The following WDR11 variants were observed in gnomAD, a reference collection of about 807,000 sequenced individuals.
WDR11 encodes the protein WD repeat domain 11.
A neutral mutation model predicts 151.2 loss-of-function variants in WDR11; 83 were observed. The observed-to-expected ratio is 0.55, with a 90% CI of 0.46 to 0.66. The LOEUF is 0.66. WDR11 is among the 30% of genes least tolerant of loss of function. WDR11 has a pLI of 0.00. For missense variants in WDR11, 1,301 were observed against 1,480.9 expected (o/e 0.88, Z 1.99); for synonymous variants, 484 against 533.1 (o/e 0.91, Z 1.27).
intron 19 of WDR11, among the ~76,000 whole-genome samples, chr10:120,896,698 T>C (rs1369758529): frequency 6.6e-6 from 1 of 152,198 alleles, no homozygotes; most frequent in African/African-American, 2.4e-5. Flanking sequence ...CATGTTGTAG[T>C]CTGGAACACA....
chr10:120,883,882 T>G lies in WDR11; in HGVS notation c.1842T>G (p.Thr614=), dbSNP rs767783026. ...REMSKNFPTI[T]ALEWSPSHNL... ...TGTCCAAAAACTTCCCTACAATAAC[T>G]GCTTTGGTAAGTTACAATTTAAGAA... Residue 614 remains threonine, a synonymous_variant, in exon 14 of 29, where the codon ACT becomes ACG. Transcript: ENST00000263461. 4 of 1,610,510 alleles carry G rather than the reference T, an allele frequency of 2.5e-6. No homozygotes were observed. The East Asian group carries it at 8.9e-5, about 36-fold the overall frequency.
intron 11 of WDR11, among the ~76,000 whole-genome samples, chr10:120,878,095 A>G (rs1187451203): frequency 6.6e-6 from 1 of 152,214 alleles, no homozygotes; most frequent in African/African-American, 2.4e-5. Flanking sequence ...TCATACTAAT[A>G]CTGATGTGAA....
At chr10:120,867,219 C>G in intron 9 of WDR11, 50 bp downstream of exon 9, 2 of 1,302,412 alleles carry the variant, frequency 1.5e-6, no homozygotes, top group Non-Finnish European at 2.2e-6. Context: ...TTCTGAAGGG[C>G]AAAATTAATA....
intron 11 of WDR11, among the ~76,000 whole-genome samples, chr10:120,876,584 T>C (rs1380011507): frequency 2.0e-5 from 3 of 152,354 alleles, no homozygotes; most frequent in African/African-American, 4.8e-5. Context: ...TCTAGTAGTC[T>C]CTGCTTACAC....
At chr10:120,869,626 G>T (rs962998555) in intron 9 of WDR11, among the ~76,000 whole-genome samples, 1 of 152,084 alleles carries the variant, frequency 6.6e-6, no homozygotes, top group African/African-American at 2.4e-5. Flanking sequence ...CTGGATAAAT[G>T]CTGATACTTA....
intron 19 of WDR11, among the ~76,000 whole-genome samples, chr10:120,899,155 T>C (rs1000857583): frequency 1.3e-5 from 2 of 152,156 alleles, no homozygotes; most frequent in African/African-American, 4.8e-5. Context: ...CAAATCTTGC[T>C]TGTTAGTGTT....
chr10:120,863,124 G>A (rs930087246), intron 5 of WDR11, among the ~76,000 whole-genome samples: 3 of 152,098 alleles, frequency 2.0e-5, no homozygotes, highest in African/African-American at 7.2e-5. Flanking sequence ...GTTTCCACTA[G>A]CTGTGCTAAA....
intron 11 of WDR11, 78 bp from the exon 12 acceptor site, chr10:120,878,275 A>G (rs1846872184): frequency 1.7e-6 from 2 of 1,211,190 alleles, no homozygotes; most frequent in African/African-American, 3.1e-5. Flanking sequence ...GGTCTTTGGA[A>G]AACTTATTTT....
At chr10:120,880,938 C>A in intron 13 of WDR11, 37 bp downstream of exon 13, 1 of 1,540,658 alleles carries the variant, frequency 6.5e-7, no homozygotes, top group South Asian at 1.2e-5. Flanking sequence ...ATGGTGTTAT[C>A]ACAATGAAAT....
Position 120,885,819 on chromosome 10 carries a change from G to T in WDR11, c.1854G>T (p.Trp618Cys). ...KNFPTITALE[W>C]SPSHNLKSLR... Reference sequence around the variant, plus strand: ...TGTCTGCATTTGCTTTACAGGAGTGGTCACCATCTCACAACTTGAAGAGCC... The same window carrying T: ...TGTCTGCATTTGCTTTACAGGAGTGTTCACCATCTCACAACTTGAAGAGCC... The change falls in exon 15 of 29, where the codon TGG becomes TGT. Residue 618 changes from tryptophan (W) to cysteine (C), a missense_variant. Trp to Cys is a radical substitution (Grantham distance 215). Around this residue, in one of 3 missense-constraint regions of WDR11, gnomAD observed 692 missense variants for 762.5 expected, o/e 0.91. Coordinates refer to ENST00000263461, the MANE Select transcript of WDR11 (RefSeq NM_018117.12). 1 of 1,613,592 alleles carries T rather than the reference G, an allele frequency of 6.2e-7. No individual in the cohort carries two copies.
intron 19 of WDR11, among the ~76,000 whole-genome samples, chr10:120,899,364 G>A (rs1374191510): frequency 3.3e-5 from 5 of 152,052 alleles, no homozygotes; most frequent in African/African-American, 7.2e-5. Flanking sequence ...GTACATACAG[G>A]TAAATATATT....
intron 7 of WDR11, 77 bp downstream of exon 7, chr10:120,865,821 C>A: frequency 2.1e-6 from 2 of 968,720 alleles, no homozygotes; most frequent in African/African-American, 1.6e-5. Context: ...AAATACCAGC[C>A]AAGGTATATA....
In WDR11 at chr10:120,882,403, A is replaced by G. The variant is rs555356565; in HGVS notation, c.1740-1377A>G. Reference sequence around the variant, plus strand: ...ATACTGACCTTGCAGAACGTGTTGTAAAGTATTCTCTCTCCTTTTTTTTTG... The same window carrying G: ...ATACTGACCTTGCAGAACGTGTTGTGAAGTATTCTCTCTCCTTTTTTTTTG... On this transcript the variant is annotated intron_variant, in intron 13 of 28. Transcript: ENST00000263461. Among the ~76,000 whole-genome samples the G allele has an allele frequency of 2.6e-5, 4 of 152,034 alleles. No homozygotes were observed. In the East Asian group the frequency reaches 5.8e-4, roughly 22 times the overall value.
rs778073269 is a variant in WDR11, at chr10:120,878,464, G to T, written c.1663+5G>T. On this transcript the variant is annotated splice_donor_5th_base_variant and intron_variant, in intron 12 of 28. Transcript: ENST00000263461. ...AACTGGTTGATCTTCCAACAGGTTTGTTTTTAAAGATCCAAATAGGTTTGT... is the reference window on the plus strand; with the variant it reads ...AACTGGTTGATCTTCCAACAGGTTTTTTTTTAAAGATCCAAATAGGTTTGT... 6.2e-7 allele frequency: 1 copy of T among 1,606,224 alleles called. No homozygotes were observed. The highest frequency in any genetic ancestry group is 1.1e-5 in the South Asian group (1 of 90,826).
At chr10:120,852,490 C>T (rs1457300697) in intron 1 of WDR11, 34 bp from the exon 2 acceptor site, 4 of 1,581,390 alleles carry the variant, frequency 2.5e-6, no homozygotes, top group Non-Finnish European at 3.5e-6. Context: ...CTGCTTTGTT[C>T]TGTACTTAAA....
rs747378281 is a variant in WDR11, at chr10:120,860,274, A to G, written c.518A>G (p.His173Arg). 18 of 1,613,708 alleles carry G rather than the reference A, an allele frequency of 1.1e-5. No individual in the cohort carries two copies. Among genetic ancestry groups the G allele is most frequent in the Non-Finnish European group, 1.5e-5 (18 of 1,180,002 alleles). The change falls in exon 4 of 29, where the codon CAT (histidine) becomes CGT (arginine). Residue 173 changes from histidine (H) to arginine (R), a missense_variant. His to Arg is a conservative substitution (Grantham distance 29). This residue lies in a region of WDR11 where 692 missense variants were observed against 762.5 expected (regional missense o/e 0.91). Transcript: ENST00000263461. The stretch of plus-strand genomic sequence containing the variant: ...TCTTTTGACCCTTTTGATCCCTCAC[A>G]TTTAACTTGTGAGTAACAGTTGCTT... The part of the protein sequence containing the change: ...SFSFDPFDPS[H>R]LTLLTSEGIV...
At chr10:120,905,658 T>C (rs1848009421) in intron 26 of WDR11, 1 of 886,378 alleles carries the variant, frequency 1.1e-6, no homozygotes, top group Admixed American at 2.5e-5. Context: ...TCCCAGAGTC[T>C]GAGCCGAAAC....
chr10:120,858,492 G>T, intron 2 of WDR11, 151 bp from the exon 3 acceptor site: 1 of 913,870 alleles, frequency 1.1e-6, no homozygotes, highest in Non-Finnish European at 1.7e-6. Flanking sequence ...CACAAATGCT[G>T]CCTTCAAAAT....
intron 19 of WDR11, among the ~76,000 whole-genome samples, chr10:120,896,812 T>C (rs1165006796): frequency 6.6e-6 from 1 of 152,078 alleles, no homozygotes; most frequent in Non-Finnish European, 1.5e-5. Flanking sequence ...CAGGGGTGGA[T>C]TTGGGTTGGT....
Sources: allele counts gnomAD v4.1 joint callset (sites outside exome capture counted in the v4.1 genomes callset), GRCh38; gene constraint gnomAD v4.1.1; regional missense constraint gnomAD v4.1.1; transcripts MANE v1.5; gene names NCBI Gene and HGNC (gene_info 2026-07-23, HGNC 2026-07-21).